Variants in NEB observed in about 807,000 individuals in gnomAD.
NEB encodes nebulin, also known as nemaline myopathy type 2.
Under a neutral mutation model 952.2 loss-of-function variants are expected in NEB, and 512 were observed. That is an observed-to-expected ratio of 0.54 (90% CI 0.50 to 0.58). The LOEUF is 0.58. Among genes scored for constraint, NEB ranks in the 20% least tolerant of loss-of-function variants. NEB has a pLI of 0.00. For synonymous variants in NEB, 2,900 were observed against 3,149.8 expected (o/e 0.92, Z 2.66); for missense variants, 8,428 against 9,231.1 (o/e 0.91, Z 3.56).
At chr2:151,657,822 G>A (rs2099103101) in intron 48 of NEB, among the ~76,000 whole-genome samples, 161 bp downstream of exon 48, 1 of 152,158 alleles carries the variant, frequency 6.6e-6, no homozygotes, top group Non-Finnish European at 1.5e-5. Flanking sequence ...TGTTTTTTCA[G>A]AAATATCAGA....
At chr2:151,672,789 T>C in intron 36 of NEB, 109 bp from the exon 37 acceptor site, 1 of 1,068,692 alleles carries the variant, frequency 9.4e-7, no homozygotes, top group African/African-American at 1.6e-5. Flanking sequence ...CTCAAGAGTG[T>C]ACAAAAAATG....
rs1279246416 is a variant in NEB at position 151,548,371 on chromosome 2, A to G, written c.20094T>C (p.Tyr6698=). Residue 6698 remains tyrosine (Y), a synonymous_variant, in exon 131 of 182, where the codon TAT becomes TAC. Coordinates refer to ENST00000397345, the MANE Select transcript of NEB (RefSeq NM_001164508.2). ...ATGGAACATCTTTGGGGCCAAGTGT[A>G]TACCCATATGCCTTGGTGTGTTCAT... is the stretch of plus-strand genomic sequence containing the variant. ...EAYEHTKAYG[Y]TLGPKDVPFV... The G allele has an allele frequency of 6.2e-7, 1 of 1,613,816 alleles. No homozygotes were observed. Among genetic ancestry groups the G allele is most frequent in the Middle Eastern group, 1.7e-4 (1 of 6,060 alleles).
intron 13 of NEB, among the ~76,000 whole-genome samples, chr2:151,704,305 G>A (rs2099692485): frequency 8.1e-6 from 1 of 123,146 alleles, no homozygotes; most frequent in African/African-American, 3.1e-5. Flanking sequence ...GGTTACTGCT[G>A]TCTTTTTGTT....
At chr2:151,557,692 T>G (rs1161205146) in intron 124 of NEB, among the ~76,000 whole-genome samples, 2 of 152,210 alleles carry the variant, frequency 1.3e-5, no homozygotes, top group Non-Finnish European at 2.9e-5. Context: ...GCTTCATCAC[T>G]GGGATGCAAG....
chr2:151,610,477 AC>A, intron 80 of NEB, 38 bp downstream of exon 80: 1 of 1,492,566 alleles, frequency 6.7e-7, no homozygotes, highest in Non-Finnish European at 9.3e-7. Context: ...GTTGTTCAGC[AC>A]AGTGGAGACC....
intron 78 of NEB, 66 bp downstream of exon 78, chr2:151,612,120 T>G (rs1257850384): frequency 5.3e-6 from 8 of 1,520,140 alleles, no homozygotes; most frequent in Non-Finnish European, 6.4e-6. Context: ...TTAGGGAATT[T>G]CCTACTTTAT....
chr2:151,492,360 G>C, intron 177 of NEB, 27 bp downstream of exon 177: 1 of 1,590,034 alleles, frequency 6.3e-7, no homozygotes, highest in Non-Finnish European at 8.6e-7. Flanking sequence ...CAGGCAGCCA[G>C]CCAATCCTAA....
intron 110 of NEB, 96 bp from the exon 111 acceptor site, chr2:151,568,812 CAT>C: frequency 1.2e-6 from 1 of 849,352 alleles, no homozygotes; most frequent in Non-Finnish European, 1.8e-6. Context: ...CTACTAGAAA[CAT>C]ACAGTGCCGT....
intron 10 of NEB, chr2:151,716,258 C>G (rs1414647621): frequency 3.1e-6 from 1 of 321,154 alleles, no homozygotes; most frequent in African/African-American, 2.2e-5. Flanking sequence ...CCTGCCTCAG[C>G]CTCCCAAGTA....
chr2:151,677,496 T>C (rs1480175367), intron 34 of NEB, 69 bp downstream of exon 34: 2 of 1,164,712 alleles, frequency 1.7e-6, no homozygotes, highest in African/African-American at 1.6e-5. Context: ...AAAAATATAT[T>C]GGGCTGCTGT....
At chr2:151,625,478 C>T (rs2098505112) in intron 71 of NEB, 56 bp downstream of exon 71, 6 of 1,336,718 alleles carry the variant, frequency 4.5e-6, no homozygotes, top group African/African-American at 1.5e-5. Context: ...TCTCACATTC[C>T]TACATCGGCA....
At chr2:151,709,815 G>T in intron 11 of NEB, 52 bp from the exon 12 acceptor site, 1 of 1,338,638 alleles carries the variant, frequency 7.5e-7, no homozygotes. Flanking sequence ...AACTATGCAA[G>T]AATTTCCATG....
At chr2:151,710,645 A>G (rs1273333141) in intron 10 of NEB, 107 bp from the exon 11 acceptor site, 1 of 661,868 alleles carries the variant, frequency 1.5e-6, no homozygotes, top group Admixed American at 2.9e-5. Flanking sequence ...TCAGCAAGCC[A>G]TTCTTAGGTC....
rs536698421 is a variant in NEB at position 151,500,851 on chromosome 2, G to A, written c.24021+540C>T. 6.4e-4 allele frequency among the ~76,000 whole-genome samples: 97 copies of A among 152,064 alleles called. 1 individual carries two copies. The highest frequency in any genetic ancestry group is 2.3e-3 in the African/African-American group (95 of 41,492). ...TGGGCTCAAGTGATCTGCCTGCCTC[G>A]ACCTCCCAAAGTGCTGAGGTGACAG... On this transcript the variant is annotated intron_variant, in intron 168 of 181. Transcript: ENST00000397345.
chr2:151,540,950 G>T, intron 136 of NEB, 149 bp from the exon 137 acceptor site: 2 of 674,280 alleles, frequency 3.0e-6, no homozygotes, highest in South Asian at 1.8e-5. Flanking sequence ...TGTTATATGC[G>T]TTTCTGTTCA....
intron 123 of NEB, 59 bp from the exon 124 acceptor site, chr2:151,560,758 G>A: frequency 1.5e-6 from 2 of 1,333,222 alleles, no homozygotes; most frequent in East Asian, 4.9e-5. Flanking sequence ...TAGCTTCTGA[G>A]TAGCAGGTTT....
rs763823282 is a variant in NEB, at chr2:151,493,339, G to A, written c.24765+14C>T. ...CAAGTTGTTGCACTATTTCTTTTTAGTCCTAGAAAATACCGAGCTAATGTT... is the reference window on the plus strand; with the variant it reads ...CAAGTTGTTGCACTATTTCTTTTTAATCCTAGAAAATACCGAGCTAATGTT... On this transcript the variant is annotated intron_variant, in intron 176 of 181. Transcript: ENST00000397345. 1 of 1,577,748 alleles carries A rather than the reference G, an allele frequency of 6.3e-7. No individual in the cohort carries two copies. Among genetic ancestry groups the A allele is most frequent in the South Asian group, 1.1e-5 (1 of 89,746 alleles).
In NEB at chr2:151,561,242, A is replaced by G. The variant is rs1304081878; in HGVS notation, c.19067T>C (p.Val6356Ala). 2 of 1,609,090 alleles carry G rather than the reference A, an allele frequency of 1.2e-6. No homozygotes were observed. The highest frequency in any genetic ancestry group is 1.3e-5 in the African/African-American group (1 of 74,876). The change falls in exon 122 of 182, where the codon GTG (valine) becomes GCG (alanine). Residue 6356 changes from valine to alanine, a missense_variant. By Grantham distance (64) the Val-to-Ala change is moderately conservative. This residue lies in a region of NEB where 3,374 missense variants were observed against 3,651.5 expected (regional missense o/e 0.92). Coordinates refer to ENST00000397345, the MANE Select transcript of NEB (RefSeq NM_001164508.2). ...YNLVTDTPLY[V>A]TAVQSGINAS... is the part of the protein sequence containing the mutation. ...ATTAATGCCACTCTGAACAGCAGTCACATAGAGGGGCGTGTCTGTGACCAG... is the reference window on the plus strand; with the variant it reads ...ATTAATGCCACTCTGAACAGCAGTCGCATAGAGGGGCGTGTCTGTGACCAG...
intron 148 of NEB, among the ~76,000 whole-genome samples, chr2:151,526,509 G>T (rs541739087): frequency 1.3e-5 from 2 of 152,088 alleles, no homozygotes; most frequent in African/African-American, 4.8e-5. Flanking sequence ...TTCACAGCAC[G>T]CTCAGATATG....
Sources: allele counts gnomAD v4.1 joint callset (sites outside exome capture counted in the v4.1 genomes callset), GRCh38; gene constraint gnomAD v4.1.1; regional missense constraint gnomAD v4.1.1; transcripts MANE v1.5; gene names NCBI Gene and HGNC (gene_info 2026-07-23, HGNC 2026-07-21).